CRTAC1: variants seen among roughly 807,000 people sequenced by gnomAD.
CRTAC1 encodes cartilage acidic protein 1.
In CRTAC1, 37 loss-of-function variants were observed where a neutral mutation model predicts 67.8. That is an observed-to-expected ratio of 0.55 (90% confidence interval 0.42 to 0.72). CRTAC1 has a LOEUF of 0.72. Among genes scored for constraint, CRTAC1 ranks in the 30% least tolerant of loss-of-function variants. CRTAC1 has a pLI of 0.00. For missense variants in CRTAC1, 780 were observed against 931.6 expected, an observed-to-expected ratio of 0.84 and a Z score of 2.12; for synonymous variants, 348 against 371.0, an observed-to-expected ratio of 0.94 and a Z score of 0.71.
rs2051084163 is a variant in CRTAC1, at chr10:97,936,209, C to A, written c.382G>T (p.Glu128Ter). The change falls in exon 3 of 15, where the codon GAG becomes TAG. Residue 128 changes from glutamate to a stop codon, truncating the protein, a stop_gained. Transcript: ENST00000370597. LOFTEE classifies it high-confidence loss of function. The part of the protein sequence containing the change: ...TACDIDGDGR[E>*]EIYFLNTNNA... ...TTGGTGTTGAGGAAGTAGATCTCCT[C>A]CCGGCCGTCCCCGTCGATGTCGCAG... is the stretch of plus-strand genomic sequence containing the variant. 1 of 1,613,606 alleles carries A rather than the reference C, an allele frequency of 6.2e-7. No individual in the cohort carries two copies. Among genetic ancestry groups the A allele is most frequent in the Admixed American group, 1.7e-5 (1 of 59,966 alleles).
intron 5 of CRTAC1, 95 bp from the exon 6 acceptor site, chr10:97,908,242 C>A: frequency 7.3e-7 from 1 of 1,377,628 alleles, no homozygotes; most frequent in Non-Finnish European, 1.0e-6. Context: ...GGAACTGCAG[C>A]AGAGGCTCCT....
At chr10:97,933,349 T>C (rs1217337769) in intron 3 of CRTAC1, among the ~76,000 whole-genome samples, 4 of 152,264 alleles carry the variant, frequency 2.6e-5, no homozygotes, top group Non-Finnish European at 5.9e-5. Flanking sequence ...CAGTGCACAC[T>C]TATGCCCTCG....
At chr10:97,925,806 A>C (rs956558877) in intron 3 of CRTAC1, among the ~76,000 whole-genome samples, 1 of 152,022 alleles carries the variant, frequency 6.6e-6, no homozygotes, top group Non-Finnish European at 1.5e-5. Flanking sequence ...GTGTGTGTGG[A>C]AGTGAGCGGA....
At chr10:97,971,362 G>A (rs11817082) in intron 2 of CRTAC1, among the ~76,000 whole-genome samples, 6,641 of 152,314 alleles carry the variant, frequency 0.044, 487 homozygotes, top group African/African-American at 0.15. Context: ...TACAGGGAAT[G>A]AGCCTTGAGG....
chr10:97,902,479 C>T (rs151097103), intron 7 of CRTAC1, among the ~76,000 whole-genome samples: 370 of 152,326 alleles, frequency 2.4e-3, no homozygotes, highest in African/African-American at 8.4e-3. Flanking sequence ...TGGGGAGACC[C>T]CAGGCCCAGG....
intron 2 of CRTAC1, among the ~76,000 whole-genome samples, chr10:97,956,078 CGATTACAGTTGCTTCCA>C (rs375646246): frequency 6.6e-6 from 1 of 152,306 alleles, no homozygotes; most frequent in Non-Finnish European, 1.5e-5. Flanking sequence ...TAAAGGCCTA[CGATTACAGTTGCTTCCA>C]GATTGGATGA....
At chr10:97,992,858 A>G (rs908910609) in intron 2 of CRTAC1, among the ~76,000 whole-genome samples, 3 of 152,210 alleles carry the variant, frequency 2.0e-5, no homozygotes, top group Admixed American at 6.5e-5. Context: ...AGTTCAACAG[A>G]TCTATTGTAT....
chr10:97,897,150 C>T (rs2050472928), intron 8 of CRTAC1, among the ~76,000 whole-genome samples, 159 bp from the exon 9 acceptor site: 1 of 152,168 alleles, frequency 6.6e-6, no homozygotes. Flanking sequence ...CCAGGCCCTG[C>T]CTATACTCTG....
At chr10:97,877,879 G>T (rs1401946240) in intron 14 of CRTAC1, among the ~76,000 whole-genome samples, 1 of 152,210 alleles carries the variant, frequency 6.6e-6, no homozygotes, top group Non-Finnish European at 1.5e-5. Flanking sequence ...GATGTCCTTG[G>T]CAGGCCATCT....
chr10:97,892,099 G>C (rs74479770), intron 11 of CRTAC1, among the ~76,000 whole-genome samples: 2,451 of 152,348 alleles, frequency 0.016, 39 homozygotes, highest in African/African-American at 0.051. Flanking sequence ...GTGTACATAA[G>C]CCTGAGTGTG....
chr10:97,986,077 G>A (rs551161833), intron 2 of CRTAC1, among the ~76,000 whole-genome samples: 1 of 152,312 alleles, frequency 6.6e-6, no homozygotes. Context: ...TGGGAAAAGG[G>A]CTGGGCTCTG....
At chr10:98,005,079 T>TAA (rs1842756993) in intron 2 of CRTAC1, among the ~76,000 whole-genome samples, 1 of 96,668 alleles carries the variant, frequency 1.0e-5, no homozygotes, top group Non-Finnish European at 2.0e-5. Flanking sequence ...TGTAAAGTAA[T>TAA]ACATATATAT....
intron 2 of CRTAC1, among the ~76,000 whole-genome samples, chr10:97,954,654 C>T (rs768522983): frequency 9.2e-5 from 14 of 152,246 alleles, no homozygotes; most frequent in Non-Finnish European, 1.5e-4. Flanking sequence ...GGGGCCATGT[C>T]GGGGCAATGA....
At position 97,908,083 on chromosome 10, in the gene CRTAC1, A is replaced by G. The variant is rs35333633; in HGVS notation, c.780T>C (p.Asn260=). Residue 260 remains asparagine (N), a synonymous_variant, in exon 6 of 15, where the codon AAT becomes AAC. Transcript: ENST00000370597. ...GGAAAAGGAAGTTAGGCCCATTCTC[A>G]TTGTCGCAGAAGATATCCGAGGCAC... The part of the protein sequence containing the change: ...SSSASDIFCD[N]ENGPNFLFHN... The G allele has an allele frequency of 9.8e-3, 15,849 of 1,613,234 alleles. 1,178 individuals are homozygous for G. The African/African-American group carries it at 0.17, about 17-fold the overall frequency.
intron 2 of CRTAC1, among the ~76,000 whole-genome samples, chr10:97,948,560 C>T (rs539320410): frequency 3.3e-5 from 5 of 152,258 alleles, no homozygotes; most frequent in African/African-American, 9.6e-5. Context: ...GCAGTGGATG[C>T]TGCAGGCATC....
intron 11 of CRTAC1, among the ~76,000 whole-genome samples, chr10:97,886,722 G>A (rs1425836925): frequency 4.1e-5 from 6 of 146,152 alleles, no homozygotes; most frequent in African/African-American, 1.5e-4. Context: ...TCAGCTCACT[G>A]CAACCTCCCC....
intron 2 of CRTAC1, among the ~76,000 whole-genome samples, 198 bp from the exon 3 acceptor site, chr10:97,936,564 G>T (rs370527342): frequency 6.6e-6 from 1 of 152,170 alleles, no homozygotes; most frequent in Non-Finnish European, 1.5e-5. Context: ...CAGATTTTGC[G>T]CCCGGGCGCA....
chr10:97,946,722 G>A (rs1203750184), intron 2 of CRTAC1, among the ~76,000 whole-genome samples: 1 of 152,176 alleles, frequency 6.6e-6, no homozygotes, highest in Non-Finnish European at 1.5e-5. Flanking sequence ...AGGGCCTCCT[G>A]ATGGAAGACA....
At position 97,895,504 on chromosome 10, in the gene CRTAC1, G is replaced by A. The variant is rs990034973; in HGVS notation, c.1318-91C>T. 7 of 1,149,026 alleles carry A rather than the reference G, an allele frequency of 6.1e-6. No individual in the cohort carries two copies. Among genetic ancestry groups the A allele is most frequent in the Non-Finnish European group, 8.6e-6 (7 of 814,266 alleles). 71.2% of individuals were successfully genotyped at this position (1,149,026 alleles called of 1,614,324 possible). ...CCAGGGAGGACGGGAGGGGGAGAGGGAGAAGAAGGAGGAAGAGAAGAAAGC... is the reference window on the plus strand; with the variant it reads ...CCAGGGAGGACGGGAGGGGGAGAGGAAGAAGAAGGAGGAAGAGAAGAAAGC... On this transcript the variant is annotated intron_variant, in intron 10 of 14. Coordinates refer to ENST00000370597, the MANE Select transcript of CRTAC1 (RefSeq NM_018058.7). This position sits in a 1 kb window ranked among gnomAD's most constrained non-coding sequence, Gnocchi z 4.2.
Sources: gnomAD v4.1 joint callset for allele counts (sites outside exome capture counted in the v4.1 genomes callset) on GRCh38, gnomAD v4.1.1 for gene constraint, Gnocchi (gnomAD v3.1) non-coding constraint, MANE v1.5 for transcripts, NCBI Gene and HGNC (gene_info 2026-07-23, HGNC 2026-07-21) for gene names.